FRMD6: variants seen among roughly 807,000 people sequenced by gnomAD.
FRMD6 encodes the protein FERM domain-containing protein 6.
Under a neutral mutation model 73.2 loss-of-function variants are expected in FRMD6, and 37 were observed. The ratio of observed to expected loss-of-function variants is 0.51; its 90% CI spans 0.39 to 0.66. The LOEUF (loss-of-function observed/expected upper bound fraction) is 0.66. Among genes scored for constraint, FRMD6 ranks in the 30% least tolerant of loss-of-function variants. The pLI, the probability that FRMD6 is intolerant of heterozygous loss-of-function variation, is 0.00. For synonymous variants in FRMD6, 273 were observed against 282.2 expected, an observed-to-expected ratio of 0.97 and a Z score of 0.33; for missense variants, 714 against 780.5, an observed-to-expected ratio of 0.91 and a Z score of 1.02.
chr14:51,410,242 A>G, the FRMD6 span, among the ~76,000 whole-genome samples: 4 of 152,228 alleles, frequency 2.6e-5, no homozygotes, highest in East Asian at 1.9e-4. Flanking sequence ...GTCCCTGACC[A>G]CTACAGTGTG....
chr14:51,726,853 T>C (rs892109724), intron 13 of FRMD6, among the ~76,000 whole-genome samples: 11 of 152,178 alleles, frequency 7.2e-5, no homozygotes, highest in Admixed American at 2.0e-4. Flanking sequence ...TTCTGGAACT[T>C]TTGCCTCTAG....
intron 2 of FRMD6, among the ~76,000 whole-genome samples, chr14:51,694,540 A>T (rs1566571653): frequency 6.6e-6 from 1 of 152,070 alleles, no homozygotes; most frequent in South Asian, 2.1e-4. Context: ...AAAATTTAAA[A>T]ATTAGCCAGG....
chr14:51,481,609 C>T, the FRMD6 span, among the ~76,000 whole-genome samples: 1 of 152,248 alleles, frequency 6.6e-6, no homozygotes. Flanking sequence ...AGACACCTCA[C>T]CTAAGTGAAT....
At chr14:51,415,550 T>C in the FRMD6 span, among the ~76,000 whole-genome samples, 12 of 152,244 alleles carry the variant, frequency 7.9e-5, no homozygotes, top group Non-Finnish European at 1.8e-4. Flanking sequence ...CTGGATTCAG[T>C]TGGCCAGTGT....
chr14:51,668,366 G>T (rs1181861069), intron 1 of FRMD6, among the ~76,000 whole-genome samples: 1 of 152,034 alleles, frequency 6.6e-6, no homozygotes, highest in Non-Finnish European at 1.5e-5. Context: ...GAGTGCAGTT[G>T]CATAATTTCG....
chr14:51,632,621 CT>C (rs1207692834), intron 2 of FRMD6, among the ~76,000 whole-genome samples: 7 of 152,218 alleles, frequency 4.6e-5, no homozygotes, highest in Admixed American at 3.3e-4. Flanking sequence ...TCTCACCCCT[CT>C]CCATCTCACA....
At chr14:51,464,767 C>T in the FRMD6 span, among the ~76,000 whole-genome samples, 531 of 152,262 alleles carry the variant, frequency 3.5e-3, 6 homozygotes, top group African/African-American at 0.012. Context: ...GAAGGAAGAG[C>T]TGCATACTCA....
chr14:51,568,559 G>A (rs1250191608), intron 1 of FRMD6, among the ~76,000 whole-genome samples: 1 of 152,184 alleles, frequency 6.6e-6, no homozygotes, highest in Non-Finnish European at 1.5e-5. Flanking sequence ...TCTCTCTGTG[G>A]CCAACAGTAG....
intron 2 of FRMD6, among the ~76,000 whole-genome samples, chr14:51,582,467 A>G (rs997712368): frequency 6.6e-6 from 1 of 152,184 alleles, no homozygotes; most frequent in Non-Finnish European, 1.5e-5. Flanking sequence ...TAACCACACC[A>G]TTTTGTGGCT....
chr14:51,706,172 G>A (rs1444865928), intron 6 of FRMD6, among the ~76,000 whole-genome samples: 1 of 151,994 alleles, frequency 6.6e-6, no homozygotes, highest in Non-Finnish European at 1.5e-5. Flanking sequence ...GTAACACCTT[G>A]TAATGTCTGT....
At position 51,537,996 on chromosome 14, in the gene FRMD6, G is replaced by A. The variant is rs530835366; in HGVS notation, c.-209-32352G>A. On this transcript the variant is annotated intron_variant, in intron 1 of 14. Coordinates refer to the FRMD6 transcript ENST00000356218. ...TGACAGTATCTTTCACAGAGCAGAA[G>A]TTTTAATTTTAATGAAGTCTAGCTT... Among the ~76,000 whole-genome samples, 28 of 152,250 alleles carry A rather than the reference G, an allele frequency of 1.8e-4. No individual in the cohort carries two copies. In the South Asian group the frequency reaches 5.4e-3, roughly 29 times the overall value.
chr14:51,585,212 C>G (rs926593707), intron 2 of FRMD6, among the ~76,000 whole-genome samples: 4 of 152,156 alleles, frequency 2.6e-5, no homozygotes, highest in African/African-American at 9.7e-5. Flanking sequence ...AGAAGCTCCT[C>G]CTGTTTCTCC....
chr14:51,676,405 T>G (rs1006682958), intron 1 of FRMD6, among the ~76,000 whole-genome samples: 5 of 152,194 alleles, frequency 3.3e-5, no homozygotes, highest in Non-Finnish European at 7.4e-5. Context: ...AGGCTTTTCT[T>G]AGTTTCAGAT....
intron 1 of FRMD6, among the ~76,000 whole-genome samples, chr14:51,515,459 C>A (rs960806469): frequency 1.3e-5 from 2 of 152,164 alleles, no homozygotes; most frequent in Non-Finnish European, 2.9e-5. Flanking sequence ...ATATATTAGG[C>A]CCCCACTTCT....
chr14:51,553,082 A>C (rs1308613985), intron 1 of FRMD6, among the ~76,000 whole-genome samples: 1 of 152,206 alleles, frequency 6.6e-6, no homozygotes, highest in Non-Finnish European at 1.5e-5. Context: ...ATACATTGTG[A>C]ATAAGTCCTG....
At chr14:51,434,692 A>C in the FRMD6 span, among the ~76,000 whole-genome samples, 1 of 152,180 alleles carries the variant, frequency 6.6e-6, no homozygotes, top group South Asian at 2.1e-4. Flanking sequence ...TTGGGCACTA[A>C]AATTAATGAA....
chr14:51,725,587 C>T (rs771634089), intron 12 of FRMD6, among the ~76,000 whole-genome samples, 192 bp from the exon 13 acceptor site: 29 of 152,142 alleles, frequency 1.9e-4, no homozygotes, highest in Non-Finnish European at 2.2e-4. Context: ...ACTCATTAAC[C>T]TCTATTTACT....
At chr14:51,529,017 CACTT>C (rs773812757) in intron 1 of FRMD6, among the ~76,000 whole-genome samples, 4 of 152,218 alleles carry the variant, frequency 2.6e-5, no homozygotes, top group East Asian at 1.9e-4. Flanking sequence ...CACAGGCAGA[CACTT>C]ACTATAACTA....
chr14:51,430,553 G>A, the FRMD6 span, among the ~76,000 whole-genome samples: 6 of 151,258 alleles, frequency 4.0e-5, no homozygotes, highest in African/African-American at 1.2e-4. Flanking sequence ...TCATGTGTTC[G>A]TGGTAGTTAA....
Sources: allele counts gnomAD v4.1 joint callset (sites outside exome capture counted in the v4.1 genomes callset), GRCh38; gene constraint gnomAD v4.1.1; transcripts MANE v1.5; gene names NCBI Gene and HGNC (gene_info 2026-07-23, HGNC 2026-07-21).